CEMIP2: variants seen among roughly 807,000 people sequenced by gnomAD.
CEMIP2 encodes the protein cell surface hyaluronidase CEMIP2.
Under a neutral mutation model 146.9 loss-of-function variants are expected in CEMIP2, and 79 were observed. The ratio of observed to expected loss-of-function variants is 0.54; its 90% CI spans 0.45 to 0.65. The LOEUF (loss-of-function observed/expected upper bound fraction) is 0.65, where lower values mean the gene tolerates loss of function less well. CEMIP2 is among the 30% of genes least tolerant of loss of function. The pLI, the probability that CEMIP2 is intolerant of heterozygous loss-of-function variation, is 0.00. For missense variants in CEMIP2, 1,596 were observed against 1,696.2 expected (o/e 0.94, Z 1.04); for synonymous variants, 601 against 606.3 (o/e 0.99, Z 0.13).
rs112079576 is a variant in CEMIP2, at chr9:71,711,447, G to C, written c.2769+636C>G. 9.6e-3 allele frequency among the ~76,000 whole-genome samples: 1,455 copies of C among 151,656 alleles called. 22 individuals are homozygous for C. Among genetic ancestry groups the C allele is most frequent in the African/African-American group, 0.033 (1,384 of 41,358 alleles). On this transcript the variant is annotated intron_variant, in intron 16 of 23. Transcript: ENST00000377044. Reference sequence around the variant, plus strand: ...TAGCCAGATGTGGTGGCATATGCTTGTATACCCAGCTACTTAGGGGGCTGA... The same window carrying C: ...TAGCCAGATGTGGTGGCATATGCTTCTATACCCAGCTACTTAGGGGGCTGA...
intron 10 of CEMIP2, among the ~76,000 whole-genome samples, chr9:71,728,279 A>ACACG (rs1313510334): frequency 6.8e-5 from 1 of 14,738 alleles, no homozygotes; most frequent in African/African-American, 1.6e-4. Flanking sequence ...ATATATATAT[A>ACACG]TGTATATATA....
chr9:71,740,884 A>T lies in CEMIP2; in HGVS notation c.1035-652T>A, dbSNP rs985080843. Among the ~76,000 whole-genome samples, 3 of 152,206 alleles carry T rather than the reference A, an allele frequency of 2.0e-5. No individual in the cohort carries two copies. The South Asian group carries it at 6.2e-4, about 31-fold the overall frequency. ...AGTACGCATCAGGATCAACAGAAGA[A>T]AGGAAGGGCATGCTGAATTAGATTG... On this transcript the variant is annotated intron_variant, in intron 4 of 23. Coordinates refer to ENST00000377044, the MANE Select transcript of CEMIP2 (RefSeq NM_013390.3).
At chr9:71,708,180 C>T (rs1042396535) in intron 17 of CEMIP2, among the ~76,000 whole-genome samples, 3 of 151,994 alleles carry the variant, frequency 2.0e-5, no homozygotes, top group Admixed American at 6.6e-5. Context: ...AGCAAGACTC[C>T]GTCTCAAAAA....
At position 71,685,457 on chromosome 9, in the gene CEMIP2, A is replaced by G. The variant is rs796815711; in HGVS notation, c.3956-64T>C. On this transcript the variant is annotated intron_variant, in intron 23 of 23. Coordinates refer to ENST00000377044, the MANE Select transcript of CEMIP2 (RefSeq NM_013390.3). ...ATTTTTATAGCTACATTCCAGCAAG[A>G]GAATATAGGAGGTGAGTCGGAGGTG... The G allele has an allele frequency of 7.9e-6, 11 of 1,395,586 alleles. 1 individual carries two copies. The African/African-American group carries it at 1.2e-4, about 15-fold the overall frequency. The allele number at this position is 1,395,586 out of a possible 1,614,324, so 86.5% of individuals were successfully genotyped here.
chr9:71,702,340 T>C (rs1242589979), intron 18 of CEMIP2, among the ~76,000 whole-genome samples: 1 of 143,010 alleles, frequency 7.0e-6, no homozygotes, highest in East Asian at 2.0e-4. Context: ...AACTAGAAAA[T>C]GCAGACAAAA....
chr9:71,723,606 A>G (rs1477853497), intron 11 of CEMIP2, among the ~76,000 whole-genome samples: 1 of 152,232 alleles, frequency 6.6e-6, no homozygotes, highest in Non-Finnish European at 1.5e-5. Context: ...AGACAGACAT[A>G]TGAGAATAGG....
intron 19 of CEMIP2, 178 bp from the exon 20 acceptor site, chr9:71,698,382 T>A: frequency 1.7e-6 from 1 of 594,680 alleles, no homozygotes; most frequent in East Asian, 2.9e-5. Flanking sequence ...GGGTCCTAAG[T>A]CAAATGCAGT....
intron 2 of CEMIP2, 118 bp downstream of exon 2, chr9:71,749,925 C>T (rs1824195379): frequency 1.3e-6 from 1 of 775,526 alleles, no homozygotes; most frequent in African/African-American, 1.8e-5. Context: ...CCTCGTATTA[C>T]CTAACTACAT....
Position 71,750,395 on chromosome 9 carries a change from GA to G in CEMIP2, c.-12-11del, listed in dbSNP as rs762951163. The stretch of plus-strand genomic sequence containing the variant: ...ACATGATACACTGTTACTGTGAAAA[GA>G]AAAAAAAATTAAGCTTCAGTATGTG... On this transcript the variant is annotated splice_polypyrimidine_tract_variant and intron_variant, in intron 1 of 23. Transcript: ENST00000377044. 4.4e-5 allele frequency: 66 copies of G among 1,514,904 alleles called. No individual in the cohort carries two copies. Among genetic ancestry groups the G allele is most frequent in the African/African-American group, 8.5e-5 (6 of 70,672 alleles). 93.8% of individuals were successfully genotyped at this position (1,514,904 alleles called of 1,614,324 possible). A position where few individuals can be genotyped will look rare whatever the true frequency, so the allele number is the denominator to read the frequency against.
At chr9:71,706,824 A>ATTT (rs1266718183) in intron 17 of CEMIP2, among the ~76,000 whole-genome samples, 1 of 141,160 alleles carries the variant, frequency 7.1e-6, no homozygotes, top group African/African-American at 2.7e-5. Context: ...TTATTTATTT[A>ATTT]TTTATTATTA....
At chr9:71,708,159 C>T (rs1164864974) in intron 17 of CEMIP2, among the ~76,000 whole-genome samples, 1 of 152,202 alleles carries the variant, frequency 6.6e-6, no homozygotes, top group Non-Finnish European at 1.5e-5. Flanking sequence ...GCACTCCAGC[C>T]TGGGCGACAG....
intron 5 of CEMIP2, among the ~76,000 whole-genome samples, chr9:71,739,047 TTC>T (rs371505362): frequency 1.7e-3 from 266 of 152,278 alleles, no homozygotes; most frequent in Non-Finnish European, 2.7e-3. Flanking sequence ...AAAAAGTTCA[TTC>T]TCTGATTCCT....
intron 19 of CEMIP2, 156 bp from the exon 20 acceptor site, chr9:71,698,360 T>C: frequency 1.5e-6 from 1 of 654,566 alleles, no homozygotes; most frequent in Admixed American, 3.0e-5. Flanking sequence ...CTGTTTTCTT[T>C]CTATCCTTCA....
intron 18 of CEMIP2, among the ~76,000 whole-genome samples, 167 bp from the exon 19 acceptor site, chr9:71,700,991 T>A (rs1223803433): frequency 6.6e-6 from 1 of 152,232 alleles, no homozygotes; most frequent in Non-Finnish European, 1.5e-5. Flanking sequence ...ACAGTGGAAG[T>A]TCTGAACCAT....
At chr9:71,687,874 G>C (rs1360827267) in intron 22 of CEMIP2, among the ~76,000 whole-genome samples, 2 of 151,910 alleles carry the variant, frequency 1.3e-5, no homozygotes, top group African/African-American at 2.4e-5. Context: ...TGTTTTTTTA[G>C]AGATAGGGTC....
chr9:71,696,773 A>G (rs757471666), intron 20 of CEMIP2, among the ~76,000 whole-genome samples: 1 of 152,140 alleles, frequency 6.6e-6, no homozygotes, highest in Non-Finnish European at 1.5e-5. Flanking sequence ...CCATCTCAAC[A>G]ACAACAACAA....
chr9:71,742,484 G>T (rs1397153058), intron 4 of CEMIP2, among the ~76,000 whole-genome samples: 1 of 152,116 alleles, frequency 6.6e-6, no homozygotes, highest in Non-Finnish European at 1.5e-5. Context: ...TATCTTCAAA[G>T]GCCTATGTGT....
chr9:71,755,417 G>A (rs2132030802), intron 1 of CEMIP2, among the ~76,000 whole-genome samples: 1 of 151,056 alleles, frequency 6.6e-6, no homozygotes, highest in East Asian at 2.0e-4. Context: ...TTCCATGCCT[G>A]TAGCCCTAGC....
chr9:71,765,867 A>C (rs73647015), intron 1 of CEMIP2, among the ~76,000 whole-genome samples: 2,341 of 152,198 alleles, frequency 0.015, 58 homozygotes, highest in African/African-American at 0.053. Context: ...AATGCTCCAC[A>C]AAGCAGGTGT....
Sources: gnomAD v4.1 joint callset for allele counts (sites outside exome capture counted in the v4.1 genomes callset) on GRCh38, gnomAD v4.1.1 for gene constraint, MANE v1.5 for transcripts, NCBI Gene and HGNC (gene_info 2026-07-23, HGNC 2026-07-21) for gene names.